Variants in KCNAB1 observed in about 807,000 individuals in gnomAD.
The protein encoded by KCNAB1 is voltage-gated potassium channel subunit beta-1.
Under a neutral mutation model 64.6 loss-of-function variants are expected in KCNAB1, and 35 were observed. The observed-to-expected ratio is 0.54, with a 90% confidence interval of 0.41 to 0.72. KCNAB1 has a LOEUF of 0.72. Among genes scored for constraint, KCNAB1 ranks in the 30% least tolerant of loss-of-function variants. KCNAB1 has a pLI of 0.00. For synonymous variants in KCNAB1, 177 were observed against 183.8 expected (o/e 0.96, Z 0.30); for missense variants, 401 against 512.9 (o/e 0.78, Z 2.11).
In KCNAB1 at chr3:156,237,689, G is replaced by A. The variant is rs1716928603; in HGVS notation, c.275+116803G>A. ...ATGCTTTACCTACCTCCTCCAAGTG[G>A]CTGTTTTCTTAACATTTGTGCTTCA... On this transcript the variant is annotated intron_variant, in intron 1 of 13. Coordinates refer to ENST00000490337, the MANE Select transcript of KCNAB1 (RefSeq NM_172160.3). Among the ~76,000 whole-genome samples the A allele has an allele frequency of 3.9e-5, 6 of 152,228 alleles. No individual in the cohort carries two copies. The South Asian group carries it at 1.2e-3, about 32-fold the overall frequency.
At chr3:156,156,041 T>C (rs1715691466) in intron 1 of KCNAB1, among the ~76,000 whole-genome samples, 1 of 152,154 alleles carries the variant, frequency 6.6e-6, no homozygotes, top group South Asian at 2.1e-4. Flanking sequence ...ACTACCTGTG[T>C]GTTTGACCTT....
chr3:156,390,433 A>C lies in KCNAB1; in HGVS notation c.276-31183A>C, dbSNP rs545791259. 3.7e-4 allele frequency among the ~76,000 whole-genome samples: 56 copies of C among 152,314 alleles called. No individual in the cohort carries two copies. In the South Asian group the frequency reaches 0.011, roughly 29 times the overall value. ...TCTGTAAAATGAAAGGTTGTATATC[A>C]AAGGCATATTTGATTAGTTTAGAGT... On this transcript the variant is annotated intron_variant, in intron 1 of 13. Coordinates refer to ENST00000490337, the MANE Select transcript of KCNAB1 (RefSeq NM_172160.3).
intron 1 of KCNAB1, among the ~76,000 whole-genome samples, chr3:156,403,668 G>C (rs1032138948): frequency 1.4e-4 from 22 of 152,162 alleles, no homozygotes; most frequent in African/African-American, 5.3e-4. Flanking sequence ...GCCGAGGTGG[G>C]CAGATCATGA....
rs1470534362 is a variant in KCNAB1 at position 156,120,764 on chromosome 3, G to T, written c.153G>T (p.Gly51=). 1.2e-6 allele frequency: 2 copies of T among 1,614,210 alleles called. No homozygotes were observed. The highest frequency in any genetic ancestry group is 1.1e-5 in the South Asian group (1 of 91,084). The change falls in exon 1 of 14, where the codon GGG becomes GGT. Residue 51 remains glycine, a synonymous_variant. Transcript: ENST00000490337. Reference sequence around the variant, plus strand: ...AAGACAGCAGCCTTAGTCCCTCAGGGGAAAGCCAGCTCAGGGCGCGTCAAC... The same window carrying T: ...AAGACAGCAGCCTTAGTCCCTCAGGTGAAAGCCAGCTCAGGGCGCGTCAAC... ...NAKDSSLSPS[G]ESQLRARQLA... is the part of the protein sequence containing the mutation.
At chr3:156,155,466 CAG>C (rs1459649270) in intron 1 of KCNAB1, among the ~76,000 whole-genome samples, 5 of 152,134 alleles carry the variant, frequency 3.3e-5, no homozygotes, top group Non-Finnish European at 7.4e-5. Context: ...GTATTTGTGA[CAG>C]GGAGCAGTTG....
chr3:156,289,098 T>A (rs1198421251), intron 1 of KCNAB1, among the ~76,000 whole-genome samples: 1 of 152,244 alleles, frequency 6.6e-6, no homozygotes, highest in Non-Finnish European at 1.5e-5. Flanking sequence ...ACCTACTCCC[T>A]GTTCTGCTGT....
At position 156,147,209 on chromosome 3, in the gene KCNAB1, C is replaced by T. The variant is rs956522302; in HGVS notation, c.275+26323C>T. ...GTGAAGAGGGAAACTGAGCCCTTTA[C>T]AAAGTTACAGGGTCCTTGAGTTAGA... On this transcript the variant is annotated intron_variant, in intron 1 of 13. Coordinates refer to ENST00000490337, the MANE Select transcript of KCNAB1 (RefSeq NM_172160.3). 4.6e-5 allele frequency among the ~76,000 whole-genome samples: 7 copies of T among 152,276 alleles called. No individual in the cohort carries two copies. The South Asian group carries it at 6.2e-4, about 14-fold the overall frequency.
intron 1 of KCNAB1, among the ~76,000 whole-genome samples, chr3:156,239,025 A>G (rs1717017079): frequency 6.6e-6 from 1 of 152,236 alleles, no homozygotes; most frequent in Admixed American, 6.5e-5. Flanking sequence ...TTACTCAGAG[A>G]TAAGACAATT....
chr3:156,277,625 T>A (rs922463991), intron 1 of KCNAB1, among the ~76,000 whole-genome samples: 3 of 152,118 alleles, frequency 2.0e-5, no homozygotes, highest in East Asian at 1.9e-4. Context: ...ATACCACATT[T>A]AAAAAAACCC....
At chr3:156,429,298 G>A (rs1716048728) in intron 2 of KCNAB1, among the ~76,000 whole-genome samples, 2 of 152,150 alleles carry the variant, frequency 1.3e-5, no homozygotes, top group South Asian at 2.1e-4. Context: ...GGCAGCAGCC[G>A]CCCGCAGATC....
chr3:156,234,393 T>A lies in KCNAB1; in HGVS notation c.275+113507T>A, dbSNP rs549063319. Reference sequence around the variant, plus strand: ...CAATTTCCACAAGTACCCCAGAGACTTTAGGAGCCAGAACATAAGCAGAAG... The same window carrying A: ...CAATTTCCACAAGTACCCCAGAGACATTAGGAGCCAGAACATAAGCAGAAG... On this transcript the variant is annotated intron_variant, in intron 1 of 13. Transcript: ENST00000490337. 4.6e-5 allele frequency among the ~76,000 whole-genome samples: 7 copies of A among 152,176 alleles called. No individual in the cohort carries two copies. In the East Asian group the frequency reaches 1.4e-3, roughly 29 times the overall value.
Position 156,341,774 on chromosome 3 carries a change from A to G in KCNAB1, c.276-79842A>G, listed in dbSNP as rs1368896743. Among the ~76,000 whole-genome samples, 3 of 152,242 alleles carry G rather than the reference A, an allele frequency of 2.0e-5. No homozygotes were observed. The East Asian group carries it at 5.8e-4, about 29-fold the overall frequency. Reference sequence around the variant, plus strand: ...TAGTGCATACATACATATACATATTATACCATAAACTAGTTTCACAAAATA... The same window carrying G: ...TAGTGCATACATACATATACATATTGTACCATAAACTAGTTTCACAAAATA... On this transcript the variant is annotated intron_variant, in intron 1 of 13. Transcript: ENST00000490337.
chr3:156,234,102 G>A (rs1034132467), intron 1 of KCNAB1, among the ~76,000 whole-genome samples: 3 of 152,058 alleles, frequency 2.0e-5, no homozygotes, highest in Admixed American at 6.5e-5. Flanking sequence ...GAGAGTGAGC[G>A]TGGACACAGA....
intron 1 of KCNAB1, among the ~76,000 whole-genome samples, chr3:156,179,659 G>A (rs1712670673): frequency 6.6e-6 from 1 of 152,130 alleles, no homozygotes; most frequent in African/African-American, 2.4e-5. Flanking sequence ...GCAATGAGGG[G>A]TAACCCCAGG....
At chr3:156,406,375 G>C (rs989986791) in intron 1 of KCNAB1, among the ~76,000 whole-genome samples, 1 of 152,098 alleles carries the variant, frequency 6.6e-6, no homozygotes, top group African/African-American at 2.4e-5. Flanking sequence ...CAAGAAGCAC[G>C]CAAGCTTGTG....
chr3:156,275,811 A>G (rs1202195995), intron 1 of KCNAB1, among the ~76,000 whole-genome samples: 1 of 152,142 alleles, frequency 6.6e-6, no homozygotes, highest in Non-Finnish European at 1.5e-5. Context: ...TTTCTACTGT[A>G]TCTGTAGTTA....
intron 1 of KCNAB1, among the ~76,000 whole-genome samples, chr3:156,209,803 C>T (rs1316448118): frequency 6.6e-6 from 1 of 152,206 alleles, no homozygotes; most frequent in Admixed American, 6.5e-5. Flanking sequence ...TAAATGCCTT[C>T]AGCATCTTGT....
At position 156,372,016 on chromosome 3, in the gene KCNAB1, G is replaced by A. The variant is rs757623724; in HGVS notation, c.276-49600G>A. The stretch of plus-strand genomic sequence containing the variant: ...CATTATAAGCAAATAGTCATCAGCC[G>A]TCGCCCGAGACCACATGTGCAGTTA... On this transcript the variant is annotated intron_variant, in intron 1 of 13. Transcript: ENST00000490337. 5.3e-5 allele frequency among the ~76,000 whole-genome samples: 8 copies of A among 152,070 alleles called. No homozygotes were observed. In the East Asian group the frequency reaches 5.8e-4, roughly 11 times the overall value.
intron 1 of KCNAB1, chr3:156,143,569 G>GTTGTTTTTTTTTTTTTTTTT (rs1443482013): frequency 1.1e-5 from 3 of 281,596 alleles, no homozygotes; most frequent in African/African-American, 8.8e-5. Flanking sequence ...TTGCATTCTT[G>GTTGTTTTTTTTTTTTTTTTT]TTTTTTTTTT....
Sources: gnomAD v4.1 joint callset for allele counts (sites outside exome capture counted in the v4.1 genomes callset) on GRCh38, gnomAD v4.1.1 for gene constraint, MANE v1.5 for transcripts, NCBI Gene and HGNC (gene_info 2026-07-23, HGNC 2026-07-21) for gene names.